The following PUDP variants were observed in gnomAD, a reference collection of about 807,000 sequenced individuals.
PUDP encodes pseudouridine-5'-phosphatase.
A neutral mutation model predicts 9.4 loss-of-function variants in PUDP; 8 were observed. That is an observed-to-expected ratio of 0.85 (90% CI 0.50 to 1.53). The LOEUF (loss-of-function observed/expected upper bound fraction) is 1.53. Among genes scored for constraint, PUDP ranks in the 40% most tolerant of loss-of-function variants. The pLI is 0.00. For synonymous variants in PUDP, 99 were observed against 80.7 expected (o/e 1.23, Z -1.22); for missense variants, 188 against 189.7 (o/e 0.99, Z 0.05).
chrX:7,083,068 C>G (rs1368731066), intron 2 of PUDP, among the ~76,000 whole-genome samples: 1 of 112,702 alleles, frequency 8.9e-6, no homozygotes, highest in African/African-American at 3.2e-5. Flanking sequence ...CTGGGAAAGG[C>G]AGGAAGGATC....
chrX:7,022,160 A>G (rs940665570), intron 1 of PUDP, among the ~76,000 whole-genome samples: 1 of 111,525 alleles, frequency 9.0e-6, no homozygotes, highest in African/African-American at 3.3e-5. Flanking sequence ...TACTGAAGGA[A>G]GGGCATGGTC....
chrX:7,068,567 GGGA>G (rs1930638262), intron 3 of PUDP, among the ~76,000 whole-genome samples: 1 of 112,107 alleles, frequency 8.9e-6, no homozygotes, highest in African/African-American at 3.2e-5. Context: ...ATGAGGACAA[GGGA>G]GGTTTTCAGA....
chrX:6,904,204 A>G (rs1168995901), intron 3 of PUDP, among the ~76,000 whole-genome samples: 1 of 110,605 alleles, frequency 9.0e-6, no homozygotes, highest in Non-Finnish European at 1.9e-5. Flanking sequence ...CATCCGCCTC[A>G]GCCTCCCAAA....
chrX:6,916,982 A>G (rs1028216091), intron 3 of PUDP, among the ~76,000 whole-genome samples: 1 of 111,915 alleles, frequency 8.9e-6, no homozygotes, highest in African/African-American at 3.2e-5. Context: ...CTATGCAGGG[A>G]AAAAAAAGAA....
intron 3 of PUDP, among the ~76,000 whole-genome samples, chrX:6,750,760 C>T (rs1405386871): frequency 8.9e-6 from 1 of 112,043 alleles, no homozygotes; most frequent in Non-Finnish European, 1.9e-5. Flanking sequence ...CCAGTAACTA[C>T]TTCAACAGGA....
intron 1 of PUDP, among the ~76,000 whole-genome samples, chrX:7,028,509 CTGGTCTG>C (rs1208142568): frequency 9.0e-6 from 1 of 111,088 alleles, no homozygotes; most frequent in East Asian, 2.8e-4. Context: ...GTGGGAGCAG[CTGGTCTG>C]TGTAAAGATG....
In PUDP at chrX:6,754,432, T is replaced by C. The variant is rs755129682; in HGVS notation, c.*248-47966A>G. Among the ~76,000 whole-genome samples the C allele has an allele frequency of 1.7e-3, 186 of 110,635 alleles. 1 individual carries two copies. The highest frequency in any genetic ancestry group is 5.9e-3 in the African/African-American group (180 of 30,488). On this transcript the variant is annotated intron_variant and NMD_transcript_variant, in intron 3 of 3. Transcript: ENST00000655425. Reference sequence around the variant, plus strand: ...TATCCAGTCTTAGGTATGCCTTTATTAGCAGCATGAGAACAGACTAATACA... The same window carrying C: ...TATCCAGTCTTAGGTATGCCTTTATCAGCAGCATGAGAACAGACTAATACA...
intron 3 of PUDP, among the ~76,000 whole-genome samples, chrX:6,858,146 A>T (rs1926935817): frequency 9.1e-6 from 1 of 110,314 alleles, no homozygotes; most frequent in South Asian, 3.9e-4. Flanking sequence ...TGCTTACCAA[A>T]CAAAACATGG....
At chrX:7,079,970 G>T (rs187758519) in intron 2 of PUDP, among the ~76,000 whole-genome samples, 1 of 111,549 alleles carries the variant, frequency 9.0e-6, no homozygotes, top group East Asian at 2.8e-4. Context: ...TAAAAGGAAG[G>T]AAATAATAAA....
chrX:7,116,113 A>T (rs1313897687), intron 1 of PUDP, among the ~76,000 whole-genome samples: 1 of 112,320 alleles, frequency 8.9e-6, no homozygotes, highest in Non-Finnish European at 1.9e-5. Context: ...AGAAAGTTGG[A>T]CACCAGCACT....
chrX:6,795,263 C>T (rs765075050), intron 3 of PUDP, among the ~76,000 whole-genome samples: 1 of 111,391 alleles, frequency 9.0e-6, no homozygotes, highest in East Asian at 2.8e-4. Context: ...TAGTTGGGAT[C>T]CTTTGTAAAG....
intron 3 of PUDP, among the ~76,000 whole-genome samples, chrX:6,789,155 T>C (rs1337579164): frequency 9.0e-6 from 1 of 110,861 alleles, no homozygotes; most frequent in Non-Finnish European, 1.9e-5. Flanking sequence ...CAGGGTGTGG[T>C]GGCAGGCACC....
chrX:7,063,686 C>G lies in PUDP; in HGVS notation c.511-13214G>C, dbSNP rs1049272420. Among the ~76,000 whole-genome samples the G allele has an allele frequency of 3.6e-5, 4 of 111,240 alleles. 1 individual carries two copies. The East Asian group carries it at 8.4e-4, about 23-fold the overall frequency. On this transcript the variant is annotated intron_variant, in intron 3 of 3. Transcript: ENST00000381077. ...TGAGACAGGGTCTCACTCTGTCGCC[C>G]AGGCTCGGGTGCAGTGGTGCAATCA...
intron 3 of PUDP, among the ~76,000 whole-genome samples, chrX:6,745,320 T>C (rs976916733): frequency 2.7e-5 from 3 of 112,515 alleles, no homozygotes; most frequent in African/African-American, 9.7e-5. Flanking sequence ...GTCTTCTATC[T>C]GCAGAATTCA....
In PUDP at chrX:6,809,106, T is replaced by G. The variant is rs141751949; in HGVS notation, c.*248-102640A>C. Among the ~76,000 whole-genome samples the G allele has an allele frequency of 9.6e-4, 107 of 111,347 alleles. 3 individuals are homozygous for G. The East Asian group carries it at 0.03, about 31-fold the overall frequency. On this transcript the variant is annotated intron_variant and NMD_transcript_variant, in intron 3 of 3. Coordinates refer to the PUDP transcript ENST00000655425. ...CAAGCCCAATCAAATGCTGGCTGAC[T>G]GCTCCTTCCCTACTCTCAAGCTGAA...
intron 3 of PUDP, among the ~76,000 whole-genome samples, chrX:6,897,138 G>A (rs1196367933): frequency 9.0e-6 from 1 of 111,358 alleles, no homozygotes; most frequent in Admixed American, 9.6e-5. Flanking sequence ...AGGATGTCAG[G>A]AGTAGAAGTC....
chrX:6,816,059 C>T (rs905142475), intron 3 of PUDP, among the ~76,000 whole-genome samples: 1 of 105,896 alleles, frequency 9.4e-6, no homozygotes, highest in Non-Finnish European at 1.9e-5. Context: ...TACATATATA[C>T]TACATATACA....
chrX:6,993,300 G>A (rs1241636016), intron 1 of PUDP, among the ~76,000 whole-genome samples: 2 of 111,997 alleles, frequency 1.8e-5, no homozygotes, highest in East Asian at 2.8e-4. Context: ...GTGAAATAAG[G>A]GAGCTGGAGT....
chrX:6,940,015 T>C (rs1318037127), intron 3 of PUDP, among the ~76,000 whole-genome samples: 1 of 113,014 alleles, frequency 8.8e-6, no homozygotes, highest in African/African-American at 3.2e-5. Context: ...ATTCCTTCTA[T>C]ACAGTTGTGT....
Sources: gnomAD v4.1 joint callset for allele counts (sites outside exome capture counted in the v4.1 genomes callset) on GRCh38, gnomAD v4.1.1 for gene constraint, MANE v1.5 for transcripts, NCBI Gene and HGNC (gene_info 2026-07-23, HGNC 2026-07-21) for gene names.